CPNE4: variants seen among roughly 807,000 people sequenced by gnomAD.
The protein encoded by CPNE4 is copine-4.
Under a neutral mutation model 67.9 loss-of-function variants are expected in CPNE4, and 25 were observed. That is an observed-to-expected ratio of 0.37 (90% CI 0.27 to 0.51). The LOEUF is 0.51. CPNE4 is among the 20% of genes least tolerant of loss of function. The pLI is 0.93. For missense variants in CPNE4, 464 were observed against 690.8 expected (o/e 0.67, Z 3.68); for synonymous variants, 242 against 244.9 (o/e 0.99, Z 0.11).
chr3:131,920,984 T>C (rs907730393), intron 1 of CPNE4, among the ~76,000 whole-genome samples: 3 of 152,200 alleles, frequency 2.0e-5, no homozygotes, highest in African/African-American at 7.2e-5. Flanking sequence ...TACAGTGGTA[T>C]GGCATAACCA....
intron 1 of CPNE4, among the ~76,000 whole-genome samples, chr3:131,987,911 T>C (rs1425099046): frequency 1.3e-5 from 2 of 152,188 alleles, no homozygotes; most frequent in South Asian, 4.1e-4. Context: ...CCAGTGCTTA[T>C]AATGTGCCAA....
At chr3:131,972,661 C>T (rs1459296848) in intron 1 of CPNE4, among the ~76,000 whole-genome samples, 2 of 152,204 alleles carry the variant, frequency 1.3e-5, no homozygotes, top group East Asian at 3.9e-4. Flanking sequence ...AGGGAGAAGG[C>T]CATATGGTAC....
intron 7 of CPNE4, among the ~76,000 whole-genome samples, chr3:131,638,658 AAAAC>A (rs1212304229): frequency 6.6e-6 from 1 of 152,170 alleles, no homozygotes; most frequent in African/African-American, 2.4e-5. Context: ...ACTATACCCT[AAAAC>A]AAGTGTACTT....
intron 1 of CPNE4, among the ~76,000 whole-genome samples, chr3:131,926,354 G>A (rs967446029): frequency 1.3e-4 from 20 of 152,090 alleles, no homozygotes; most frequent in African/African-American, 3.9e-4. Flanking sequence ...TGATCGAAGC[G>A]GAATTACTAG....
At chr3:131,687,274 G>T (rs1183009344) in intron 5 of CPNE4, among the ~76,000 whole-genome samples, 1 of 152,094 alleles carries the variant, frequency 6.6e-6, no homozygotes, top group African/African-American at 2.4e-5. Context: ...TTTACCCCCA[G>T]TAGATTATAA....
chr3:131,694,764 T>C (rs1440149779), intron 5 of CPNE4, among the ~76,000 whole-genome samples: 1 of 152,214 alleles, frequency 6.6e-6, no homozygotes, highest in Non-Finnish European at 1.5e-5. Context: ...GCGAGGCATG[T>C]GCGTAGAGCT....
chr3:131,757,617 C>T (rs918778185), intron 2 of CPNE4, among the ~76,000 whole-genome samples: 4 of 152,308 alleles, frequency 2.6e-5, no homozygotes, highest in African/African-American at 9.6e-5. Flanking sequence ...GAAATTCAAG[C>T]CGGCTGCAGA....
At chr3:131,590,876 T>G (rs997713642) in intron 7 of CPNE4, among the ~76,000 whole-genome samples, 3 of 152,240 alleles carry the variant, frequency 2.0e-5, no homozygotes, top group Non-Finnish European at 4.4e-5. Flanking sequence ...CTTGAAATGC[T>G]ATGCAATGCA....
intron 1 of CPNE4, among the ~76,000 whole-genome samples, chr3:132,021,726 C>G (rs561287922): frequency 6.6e-6 from 1 of 152,008 alleles, no homozygotes; most frequent in Non-Finnish European, 1.5e-5. Flanking sequence ...TCAAGTTTGC[C>G]TTAATCAGAT....
chr3:131,538,923 C>T (rs898249146), intron 15 of CPNE4: 12 of 152,146 alleles, frequency 7.9e-5, no homozygotes, highest in African/African-American at 2.7e-4. Context: ...AACCATGAGC[C>T]AAATACACTT....
intron 1 of CPNE4, among the ~76,000 whole-genome samples, chr3:131,979,316 T>C (rs1293852232): frequency 6.6e-6 from 1 of 152,208 alleles, no homozygotes; most frequent in Non-Finnish European, 1.5e-5. Flanking sequence ...TGTTGCTGTC[T>C]ATCTCATTTC....
At chr3:131,740,167 G>A (rs2082324342) in intron 2 of CPNE4, among the ~76,000 whole-genome samples, 2 of 152,158 alleles carry the variant, frequency 1.3e-5, no homozygotes, top group East Asian at 3.9e-4. Context: ...AGATGGAGCT[G>A]GCCTGTGACT....
At chr3:131,978,817 T>C (rs763049322) in intron 1 of CPNE4, among the ~76,000 whole-genome samples, 4 of 151,694 alleles carry the variant, frequency 2.6e-5, no homozygotes, top group Non-Finnish European at 5.9e-5. Flanking sequence ...TTCTTTTTGA[T>C]GTAGGCCTTT....
At chr3:131,563,748 G>C (rs1467546893) in intron 11 of CPNE4, among the ~76,000 whole-genome samples, 4 of 151,948 alleles carry the variant, frequency 2.6e-5, no homozygotes, top group African/African-American at 9.7e-5. Context: ...TTAACCTCCT[G>C]TACAGTATTC....
At chr3:131,548,083 A>G (rs1047887947) in intron 14 of CPNE4, among the ~76,000 whole-genome samples, 3 of 152,186 alleles carry the variant, frequency 2.0e-5, no homozygotes, top group Non-Finnish European at 2.9e-5. Flanking sequence ...ACATGCAGTG[A>G]CTGTTGTTCT....
intron 4 of CPNE4, among the ~76,000 whole-genome samples, chr3:131,698,615 A>G (rs2081217293): frequency 6.6e-6 from 1 of 151,854 alleles, no homozygotes; most frequent in Admixed American, 6.6e-5. Context: ...GCTTAAAAAA[A>G]AAAAAAAAAA....
chr3:131,940,714 T>G (rs575945908), intron 1 of CPNE4, among the ~76,000 whole-genome samples: 14 of 152,132 alleles, frequency 9.2e-5, no homozygotes, highest in Non-Finnish European at 1.6e-4. Context: ...ATAAGGAAAA[T>G]TAAAGAATTA....
At chr3:131,786,975 G>A (rs1175592719) in intron 2 of CPNE4, among the ~76,000 whole-genome samples, 2 of 152,096 alleles carry the variant, frequency 1.3e-5, no homozygotes, top group African/African-American at 4.8e-5. Flanking sequence ...ACTGCCAGAC[G>A]GTTTCCTGCA....
intron 1 of CPNE4, among the ~76,000 whole-genome samples, chr3:132,014,988 AT>A (rs1352230868): frequency 2.6e-5 from 4 of 152,156 alleles, no homozygotes; most frequent in African/African-American, 4.8e-5. Flanking sequence ...ATCACTTCCA[AT>A]GAAATATGGA....
Sources: allele counts gnomAD v4.1 joint callset (sites outside exome capture counted in the v4.1 genomes callset), GRCh38; gene constraint gnomAD v4.1.1; transcripts MANE v1.5; gene names NCBI Gene and HGNC (gene_info 2026-07-23, HGNC 2026-07-21).